The following SOBP variants were observed in gnomAD, a reference collection of about 807,000 sequenced individuals.
SOBP encodes sine oculis-binding protein homolog.
In SOBP, 4 loss-of-function variants were observed where a neutral mutation model predicts 53.6. That is an observed-to-expected ratio of 0.07 (90% CI 0.04 to 0.17). SOBP has a LOEUF of 0.17. Ranked by LOEUF, SOBP falls within the 10% of genes least tolerant of loss-of-function variation. The pLI, the probability that SOBP is intolerant of heterozygous loss-of-function variation, is 1.00. For synonymous variants in SOBP, 584 were observed against 522.6 expected (o/e 1.12, Z -1.60); for missense variants, 1,088 against 1,204.7 (o/e 0.90, Z 1.43).
At chr6:107,492,401 A>G (rs1466543556) in intron 1 of SOBP, among the ~76,000 whole-genome samples, 1 of 152,154 alleles carries the variant, frequency 6.6e-6, no homozygotes, top group Non-Finnish European at 1.5e-5. Flanking sequence ...TGTGATCTAT[A>G]TGGATGGCAG....
rs1274833205 is a variant in SOBP at position 107,634,421 on chromosome 6, C to T, written c.1577C>T (p.Pro526Leu). The T allele has an allele frequency of 6.2e-7, 1 of 1,606,042 alleles. No individual in the cohort carries two copies. The highest frequency in any genetic ancestry group is 1.1e-5 in the South Asian group (1 of 91,016). The stretch of plus-strand genomic sequence containing the variant: ...GTGCCGCCCCCGACCCTGCTCGTGC[C>T]GTACCCCGTGATCGTGCCCCTACCG... ...PLVPPPTLLV[P>L]YPVIVPLPVP... is the part of the protein sequence containing the mutation. Residue 526 changes from proline (P) to leucine (L), a missense_variant, in exon 6 of 7, where the codon CCG becomes CTG. Around this residue, in one of 6 missense-constraint regions of SOBP, gnomAD observed 665 missense variants for 629.7 expected, o/e 1.06. Transcript: ENST00000317357. This position sits in a 1 kb window ranked among gnomAD's most constrained non-coding sequence, Gnocchi z 4.5.
intron 6 of SOBP, among the ~76,000 whole-genome samples, chr6:107,649,883 G>A (rs1771730717): frequency 6.6e-6 from 1 of 152,104 alleles, no homozygotes; most frequent in Non-Finnish European, 1.5e-5. Context: ...GTAGTTCTGG[G>A]TTCTTCGCCC....
intron 4 of SOBP, among the ~76,000 whole-genome samples, chr6:107,539,740 C>T (rs1470109171): frequency 1.3e-5 from 2 of 152,152 alleles, no homozygotes; most frequent in Admixed American, 6.5e-5. Context: ...TTATTTGGGA[C>T]GAACATTCTC....
intron 4 of SOBP, among the ~76,000 whole-genome samples, chr6:107,577,378 G>T (rs987692738): frequency 7.2e-5 from 11 of 152,192 alleles, no homozygotes; most frequent in Non-Finnish European, 1.3e-4. Context: ...ACTGGCTTTT[G>T]GTGCTCCACC....
rs182463830 is a variant in SOBP at position 107,628,121 on chromosome 6, A to C, written c.670-5393A>C. 1.4e-3 allele frequency among the ~76,000 whole-genome samples: 220 copies of C among 152,340 alleles called. 1 individual carries two copies. Among genetic ancestry groups the C allele is most frequent in the African/African-American group, 5.1e-3 (214 of 41,572 alleles). On this transcript the variant is annotated intron_variant, in intron 5 of 6. Transcript: ENST00000317357. ...CACAGTTTATGGCTTCCACTATTCA[A>C]ACAGCAGTTGAGCCGAAGAGGAATG...
At chr6:107,603,409 C>T (rs1301433029) in intron 5 of SOBP, among the ~76,000 whole-genome samples, 3 of 152,152 alleles carry the variant, frequency 2.0e-5, no homozygotes, top group East Asian at 3.8e-4. Flanking sequence ...GTGTGGGCTA[C>T]GTTTGTGGCA....
chr6:107,577,917 G>GA (rs371631537), intron 4 of SOBP, among the ~76,000 whole-genome samples: 1 of 151,786 alleles, frequency 6.6e-6, no homozygotes, highest in African/African-American at 2.4e-5. Context: ...ACTAAAAACA[G>GA]AAAAAAATTA....
intron 3 of SOBP, among the ~76,000 whole-genome samples, chr6:107,517,975 G>A (rs2114966279): frequency 6.6e-6 from 1 of 152,128 alleles, no homozygotes. Flanking sequence ...TCGCCATAGT[G>A]CAATATATCA....
chr6:107,588,270 C>G (rs555322376), intron 5 of SOBP, among the ~76,000 whole-genome samples: 1 of 152,296 alleles, frequency 6.6e-6, no homozygotes, highest in African/African-American at 2.4e-5. Context: ...TCAGTTCTTA[C>G]CCATTCTAGC....
At chr6:107,642,742 T>C (rs1771384890) in intron 6 of SOBP, among the ~76,000 whole-genome samples, 1 of 152,240 alleles carries the variant, frequency 6.6e-6, no homozygotes, top group Non-Finnish European at 1.5e-5. Flanking sequence ...GTCTTTGATA[T>C]AGTAAGCTGT....
At chr6:107,546,928 G>A (rs1392319491) in intron 4 of SOBP, among the ~76,000 whole-genome samples, 1 of 152,168 alleles carries the variant, frequency 6.6e-6, no homozygotes, top group Non-Finnish European at 1.5e-5. Context: ...CCCAGCCTTG[G>A]ATTAAGAACC....
intron 4 of SOBP, among the ~76,000 whole-genome samples, chr6:107,548,409 AT>A (rs1259314592): frequency 6.6e-6 from 1 of 151,680 alleles, no homozygotes; most frequent in Non-Finnish European, 1.5e-5. Context: ...TGCCTGGCTA[AT>A]TTTTTGTATT....
chr6:107,619,278 G>A (rs1433064896), intron 5 of SOBP, among the ~76,000 whole-genome samples: 3 of 152,188 alleles, frequency 2.0e-5, no homozygotes, highest in South Asian at 4.1e-4. Context: ...GCATCCAAGT[G>A]ATTAAGGTAG....
chr6:107,596,848 C>T (rs1025385955), intron 5 of SOBP, among the ~76,000 whole-genome samples: 1 of 152,180 alleles, frequency 6.6e-6, no homozygotes, highest in Non-Finnish European at 1.5e-5. Context: ...ACCACCACCA[C>T]CATCTCTTAG....
chr6:107,581,516 C>T (rs1785402190), intron 4 of SOBP, among the ~76,000 whole-genome samples: 1 of 152,138 alleles, frequency 6.6e-6, no homozygotes, highest in Non-Finnish European at 1.5e-5. Context: ...AACAGAGATC[C>T]CAGGTGTCTG....
chr6:107,633,223 T>C (rs926904493), intron 5 of SOBP, among the ~76,000 whole-genome samples: 5 of 152,202 alleles, frequency 3.3e-5, no homozygotes, highest in Admixed American at 1.3e-4. Flanking sequence ...GACAGGTATA[T>C]ATATTCCCTT....
intron 5 of SOBP, among the ~76,000 whole-genome samples, chr6:107,620,867 C>T (rs1251937618): frequency 1.3e-5 from 2 of 152,132 alleles, no homozygotes; most frequent in South Asian, 2.1e-4. Flanking sequence ...TCCTCTTACC[C>T]GGGAGCCAAG....
chr6:107,559,653 T>C (rs952994771), intron 4 of SOBP, among the ~76,000 whole-genome samples: 1 of 152,244 alleles, frequency 6.6e-6, no homozygotes, highest in African/African-American at 2.4e-5. Flanking sequence ...GCAGATTAAC[T>C]AATCAGTCTT....
At chr6:107,551,609 GAAT>G (rs2115012304) in intron 4 of SOBP, among the ~76,000 whole-genome samples, 1 of 152,214 alleles carries the variant, frequency 6.6e-6, no homozygotes, top group South Asian at 2.1e-4. Flanking sequence ...CTGGGTTTTA[GAAT>G]ACGCAAAACA....
Sources: gnomAD v4.1 joint callset for allele counts (sites outside exome capture counted in the v4.1 genomes callset) on GRCh38, gnomAD v4.1.1 for gene constraint, gnomAD v4.1.1 regional missense constraint, Gnocchi (gnomAD v3.1) non-coding constraint, MANE v1.5 for transcripts, NCBI Gene and HGNC (gene_info 2026-07-23, HGNC 2026-07-21) for gene names.